Variants in RECK observed in about 807,000 individuals in gnomAD.
RECK encodes reversion-inducing cysteine-rich protein with Kazal motifs.
Under a neutral mutation model 115.1 loss-of-function variants are expected in RECK, and 69 were observed. The observed-to-expected ratio is 0.60, with a 90% confidence interval of 0.49 to 0.73. RECK has a LOEUF of 0.73. Ranked by LOEUF, RECK falls within the 30% of genes least tolerant of loss-of-function variation. The pLI is 0.00. For missense variants in RECK, 1,047 were observed against 1,203.7 expected, an observed-to-expected ratio of 0.87 and a Z score of 1.93; for synonymous variants, 414 against 419.7, an observed-to-expected ratio of 0.99 and a Z score of 0.17.
At chr9:36,104,316 ATATATATATATTTTTTTTTTTTTTTTTTT>A (rs1823700128) in intron 12 of RECK, among the ~76,000 whole-genome samples, 15 of 57,894 alleles carry the variant, frequency 2.6e-4, no homozygotes, top group African/African-American at 2.0e-4. Context: ...ATATATATAT[ATATATATATATTTTTTTTTTTTTTTTTTT>A]TTTTTTTTTT....
chr9:36,085,190 C>T, intron 8 of RECK: 2 of 227,042 alleles, frequency 8.8e-6, no homozygotes, highest in East Asian at 1.6e-4. Context: ...GAATTTTTTG[C>T]CAATGAGCAA....
At chr9:36,044,958 A>C (rs1292177626) in intron 1 of RECK, among the ~76,000 whole-genome samples, 1 of 152,240 alleles carries the variant, frequency 6.6e-6, no homozygotes, top group Non-Finnish European at 1.5e-5. Flanking sequence ...TCTGTTAAAA[A>C]AAGTAATCTG....
intron 1 of RECK, among the ~76,000 whole-genome samples, chr9:36,045,485 A>G (rs1363662642): frequency 2.6e-5 from 4 of 152,062 alleles, no homozygotes; most frequent in Non-Finnish European, 4.4e-5. Flanking sequence ...TACACACTCA[A>G]TGCACGTGCA....
intron 6 of RECK, among the ~76,000 whole-genome samples, chr9:36,068,345 T>C (rs1441434081): frequency 6.6e-6 from 1 of 152,194 alleles, no homozygotes; most frequent in Non-Finnish European, 1.5e-5. Flanking sequence ...ATATAGATGG[T>C]ATTCAGGGAG....
At chr9:36,107,604 CAAAAA>C (rs11315233) in intron 13 of RECK, among the ~76,000 whole-genome samples, 4 of 70,962 alleles carry the variant, frequency 5.6e-5, no homozygotes, top group Non-Finnish European at 6.1e-5. Context: ...GACTCCGTCT[CAAAAA>C]AAAAAAAAAA....
chr9:36,108,737 A>G (rs1823916429), intron 14 of RECK, among the ~76,000 whole-genome samples: 1 of 152,234 alleles, frequency 6.6e-6, no homozygotes, highest in South Asian at 2.1e-4. Context: ...AGGAGTTTGG[A>G]AAAAAAGTAC....
At chr9:36,121,833 A>T in intron 20 of RECK, 145 bp downstream of exon 20, 1 of 829,992 alleles carries the variant, frequency 1.2e-6, no homozygotes, top group South Asian at 1.7e-5. Flanking sequence ...CAGGAGGGAG[A>T]AAAGCAAGGC....
chr9:36,118,895 T>G lies in RECK; in HGVS notation c.2392T>G (p.Ser798Ala). 1 of 1,613,846 alleles carries G rather than the reference T, an allele frequency of 6.2e-7. No homozygotes were observed. The highest frequency in any genetic ancestry group is 8.5e-7 in the Non-Finnish European group (1 of 1,180,028). ...CGTCGGAGTCCTCTCAGAGCACAGC[T>G]CCGTCGCCGAGTGTGCTTCTGTCAA... ...QAVGVLSEHS[S>A]VAECASVKCP... Residue 798 changes from serine (S) to alanine (A), a missense_variant, in exon 18 of 21, where the codon TCC becomes GCC. Ser to Ala is a moderately conservative substitution (Grantham distance 99, BLOSUM62 1). Transcript: ENST00000377966.
chr9:36,114,401 A>G (rs1824178896), intron 16 of RECK, among the ~76,000 whole-genome samples: 1 of 152,260 alleles, frequency 6.6e-6, no homozygotes, highest in South Asian at 2.1e-4. Context: ...CTAAAGTTTG[A>G]TAACATGGTA....
chr9:36,058,270 A>C (rs1357009499), intron 2 of RECK, among the ~76,000 whole-genome samples: 3 of 151,820 alleles, frequency 2.0e-5, no homozygotes, highest in African/African-American at 7.3e-5. Context: ...CAACAATGAC[A>C]GACTGGATTA....
chr9:36,096,610 A>C (rs1823350701), intron 10 of RECK, among the ~76,000 whole-genome samples: 1 of 152,178 alleles, frequency 6.6e-6, no homozygotes, highest in Admixed American at 6.5e-5. Context: ...GAATAATTGA[A>C]TATCTTTATG....
At chr9:36,044,144 T>C (rs1253791404) in intron 1 of RECK, among the ~76,000 whole-genome samples, 1 of 152,322 alleles carries the variant, frequency 6.6e-6, no homozygotes, top group East Asian at 1.9e-4. Flanking sequence ...GTAATTTCCT[T>C]CAGCAGTGTT....
At chr9:36,037,140 G>A in intron 1 of RECK, 42 bp downstream of exon 1, 1 of 1,220,784 alleles carries the variant, frequency 8.2e-7, no homozygotes, top group Non-Finnish European at 1.0e-6. Flanking sequence ...TGTCGGGAGC[G>A]GCCGCCACAG....
intron 6 of RECK, among the ~76,000 whole-genome samples, chr9:36,071,177 A>AGT (rs1330031414): frequency 6.6e-6 from 1 of 152,214 alleles, no homozygotes; most frequent in Non-Finnish European, 1.5e-5. Flanking sequence ...TGTGAAATAC[A>AGT]GTGTAGATTC....
chr9:36,086,092 T>G (rs943410894), intron 8 of RECK: 15 of 152,332 alleles, frequency 9.8e-5, no homozygotes, highest in Admixed American at 3.9e-4. Flanking sequence ...CAGAGAAAAC[T>G]ACTTCAAAGA....
At chr9:36,109,689 CA>C (rs977886416) in intron 14 of RECK, among the ~76,000 whole-genome samples, 1 of 151,926 alleles carries the variant, frequency 6.6e-6, no homozygotes, top group African/African-American at 2.4e-5. Flanking sequence ...ACAAAAAATA[CA>C]AAAAATATCC....
intron 6 of RECK, among the ~76,000 whole-genome samples, chr9:36,073,807 G>A (rs577119522): frequency 1.1e-4 from 17 of 152,206 alleles, no homozygotes; most frequent in Admixed American, 6.6e-4. Context: ...AGTTGTAGTT[G>A]TACAAATTGT....
intron 8 of RECK, chr9:36,086,064 A>G (rs1408703645): frequency 6.6e-6 from 1 of 152,226 alleles, no homozygotes; most frequent in Non-Finnish European, 1.5e-5. Flanking sequence ...ACAGATATGC[A>G]CAGATTTCTT....
Position 36,091,242 on chromosome 9 carries a change from T to C in RECK, c.984T>C (p.Tyr328=). The change falls in exon 10 of 21, where the codon TAT becomes TAC. Residue 328 remains tyrosine (Y), a synonymous_variant. Transcript: ENST00000377966. ...SWQEFDRFCE[Y]NPVEVSMLTC... ...AAGAGTTTGATCGCTTTTGTGAATA[T>C]AATCCAGTGGAAGTGTCCATGTTGA... 6.2e-7 allele frequency: 1 copy of C among 1,613,948 alleles called. No homozygotes were observed. Among genetic ancestry groups the C allele is most frequent in the Non-Finnish European group, 8.5e-7 (1 of 1,179,906 alleles).
Sources: gnomAD v4.1 joint callset for allele counts (sites outside exome capture counted in the v4.1 genomes callset) on GRCh38, gnomAD v4.1.1 for gene constraint, MANE v1.5 for transcripts, NCBI Gene and HGNC (gene_info 2026-07-23, HGNC 2026-07-21) for gene names.